BMPR2: variants seen among roughly 807,000 people sequenced by gnomAD.
BMPR2 encodes the protein bone morphogenetic protein receptor type-2.
Under a neutral mutation model 100.8 loss-of-function variants are expected in BMPR2, and 29 were observed. The ratio of observed to expected loss-of-function variants is 0.29; its 90% CI spans 0.21 to 0.39. The LOEUF is 0.39. BMPR2 is among the 10% of genes least tolerant of loss of function. The probability of loss-of-function intolerance (pLI) is 1.00; values close to 1 mark genes in which losing one functional copy is unlikely to be tolerated. For synonymous variants in BMPR2, 382 were observed against 442.3 expected (o/e 0.86, Z 1.71); for missense variants, 1,011 against 1,274.5 (o/e 0.79, Z 3.15).
chr2:202,537,883 C>G (rs142847496), intron 9 of BMPR2, among the ~76,000 whole-genome samples: 231 of 151,578 alleles, frequency 1.5e-3, no homozygotes, highest in Middle Eastern at 3.4e-3. Flanking sequence ...CTTTAGGAGG[C>G]TGAGAGGGGT....
chr2:202,434,628 G>C (rs992136988), intron 1 of BMPR2, among the ~76,000 whole-genome samples: 1 of 148,844 alleles, frequency 6.7e-6, no homozygotes, highest in East Asian at 1.9e-4. Flanking sequence ...CTTTTTGTTT[G>C]TTTGTTTTTG....
intron 9 of BMPR2, among the ~76,000 whole-genome samples, chr2:202,535,756 C>T (rs377284294): frequency 1.3e-5 from 2 of 152,060 alleles, no homozygotes; most frequent in Non-Finnish European, 2.9e-5. Context: ...GAGGTTGTAG[C>T]GAGCCGAGAT....
At chr2:202,438,597 C>A (rs576233770) in intron 1 of BMPR2, among the ~76,000 whole-genome samples, 2 of 150,622 alleles carry the variant, frequency 1.3e-5, no homozygotes, top group Admixed American at 1.3e-4. Context: ...TTACTTATTA[C>A]GTTTTGCGTT....
rs1336251570 is a variant in BMPR2 at position 202,377,055 on chromosome 2, A to T, written c.-420A>T. ...TCGTCCTTCCCGGCAGTCGGGAACT[A>T]GTTCTGACCCTCGCCCCCCGACCCC... is the stretch of plus-strand genomic sequence containing the variant. On this transcript the variant is annotated 5_prime_UTR_variant, in exon 1 of 13. It removes the in-frame stop codon of an upstream open reading frame in the 5' UTR. Coordinates refer to ENST00000374580, the MANE Select transcript of BMPR2 (RefSeq NM_001204.7). 4.1e-6 allele frequency: 2 copies of T among 489,198 alleles called. No individual in the cohort carries two copies. Among genetic ancestry groups the T allele is most frequent in the Non-Finnish European group, 7.1e-6 (2 of 279,894 alleles). The allele number at this position is 489,198 out of a possible 1,614,324, so 30.3% of individuals were successfully genotyped here.
At chr2:202,438,141 C>G (rs1026755043) in intron 1 of BMPR2, among the ~76,000 whole-genome samples, 3 of 149,740 alleles carry the variant, frequency 2.0e-5, no homozygotes, top group Admixed American at 2.0e-4. Context: ...TGGAGAAACC[C>G]TGCCTCTACT....
chr2:202,500,161 G>A (rs1405781345), intron 3 of BMPR2, among the ~76,000 whole-genome samples: 1 of 152,094 alleles, frequency 6.6e-6, no homozygotes, highest in African/African-American at 2.4e-5. Context: ...TAACTATTGA[G>A]GGCCAGGAAA....
chr2:202,495,235 G>C lies in BMPR2; in HGVS notation c.419-18484G>C, dbSNP rs2105985434. Among the ~76,000 whole-genome samples the C allele has an allele frequency of 6.6e-6, 1 of 152,284 alleles. No homozygotes were observed. Among genetic ancestry groups the C allele is most frequent in the East Asian group, 1.9e-4 (1 of 5,194 alleles). On this transcript the variant is annotated intron_variant, in intron 3 of 12. Coordinates refer to ENST00000374580, the MANE Select transcript of BMPR2 (RefSeq NM_001204.7). This position sits in a 1 kb window ranked among gnomAD's most constrained non-coding sequence, Gnocchi z 4.5. ...TACGGGAAGAGTCGGCTCACACCTG[G>C]GCTTGGAGAATGAGTGCAAGGTTTA...
At chr2:202,505,820 A>G (rs1401039459) in intron 3 of BMPR2, among the ~76,000 whole-genome samples, 3 of 152,324 alleles carry the variant, frequency 2.0e-5, no homozygotes, top group African/African-American at 7.2e-5. Flanking sequence ...ATATTTTGGG[A>G]GTGTAATATT....
chr2:202,541,788 T>C (rs1158933889), intron 9 of BMPR2, among the ~76,000 whole-genome samples: 2 of 152,136 alleles, frequency 1.3e-5, no homozygotes, highest in Non-Finnish European at 2.9e-5. Context: ...TCAACAAATA[T>C]TTGAGACTAT....
In BMPR2 at chr2:202,556,447, G is replaced by T. The variant is rs1688574426; in HGVS notation, c.2782G>T (p.Gly928Trp). The T allele has an allele frequency of 6.2e-7, 1 of 1,614,158 alleles. No homozygotes were observed. Among genetic ancestry groups the T allele is most frequent in the Non-Finnish European group, 8.5e-7 (1 of 1,180,048 alleles). Reference protein sequence around the residue: ...QGVPSTAADPGPSKPRRAQRP... With the variant: ...QGVPSTAADPWPSKPRRAQRP... The stretch of plus-strand genomic sequence containing the variant: ...TGTTCCAAGCACAGCAGCAGATCCT[G>T]GGCCATCAAAGCCCAGAAGAGCACA... Residue 928 changes from glycine to tryptophan, a missense_variant, in exon 12 of 13, where the codon GGG (glycine) becomes TGG (tryptophan). Gly to Trp is a radical substitution (Grantham distance 184). Coordinates refer to ENST00000374580, the MANE Select transcript of BMPR2 (RefSeq NM_001204.7).
chr2:202,510,719 C>T (rs1023134147), intron 3 of BMPR2, among the ~76,000 whole-genome samples: 1 of 151,786 alleles, frequency 6.6e-6, no homozygotes, highest in African/African-American at 2.4e-5. Context: ...CTTGCTTTCT[C>T]ACCCAGGCTG....
At chr2:202,494,058 C>T (rs1414751567) in intron 3 of BMPR2, among the ~76,000 whole-genome samples, 1 of 152,212 alleles carries the variant, frequency 6.6e-6, no homozygotes, top group Non-Finnish European at 1.5e-5. Flanking sequence ...ATTATGATTA[C>T]TGCCATTCCA....
chr2:202,513,695 A>G, intron 3 of BMPR2, 24 bp from the exon 4 acceptor site: 1 of 1,566,860 alleles, frequency 6.4e-7, no homozygotes, highest in Non-Finnish European at 8.8e-7. Context: ...AAAAAATGAC[A>G]TTTCAAAATT....
chr2:202,379,522 A>G (rs911706874), intron 1 of BMPR2, among the ~76,000 whole-genome samples: 5 of 152,334 alleles, frequency 3.3e-5, no homozygotes, highest in South Asian at 2.1e-4. Context: ...AAGCAGGGAC[A>G]CTTACAAGGT....
chr2:202,491,784 T>C (rs910430182), intron 3 of BMPR2, among the ~76,000 whole-genome samples: 1 of 152,204 alleles, frequency 6.6e-6, no homozygotes, highest in Non-Finnish European at 1.5e-5. Flanking sequence ...CTAGAGGATG[T>C]ACAGCCTATT....
intron 1 of BMPR2, among the ~76,000 whole-genome samples, chr2:202,380,965 C>CTTTTTT (rs1159400445): frequency 4.2e-5 from 3 of 70,780 alleles, no homozygotes; most frequent in African/African-American, 5.8e-5. Context: ...TTCTTTCTTT[C>CTTTTTT]TTTTTTTTTT....
chr2:202,417,549 C>T (rs998979231), intron 1 of BMPR2, among the ~76,000 whole-genome samples: 5 of 152,054 alleles, frequency 3.3e-5, no homozygotes, highest in African/African-American at 4.8e-5. Context: ...GTGATACGCC[C>T]GCCTTGGCCT....
At chr2:202,395,840 G>A (rs1023582339) in intron 1 of BMPR2, among the ~76,000 whole-genome samples, 2 of 152,204 alleles carry the variant, frequency 1.3e-5, no homozygotes, top group African/African-American at 4.8e-5. Flanking sequence ...GGAGGCTGAG[G>A]CAGGAGGATC....
chr2:202,484,266 C>T (rs574368567), intron 3 of BMPR2, among the ~76,000 whole-genome samples: 13 of 152,308 alleles, frequency 8.5e-5, no homozygotes, highest in African/African-American at 2.6e-4. Context: ...TCCCCCAATA[C>T]TTGTCTGTTG....
Sources: allele counts gnomAD v4.1 joint callset (sites outside exome capture counted in the v4.1 genomes callset), GRCh38; gene constraint gnomAD v4.1.1; non-coding constraint Gnocchi (gnomAD v3.1); transcripts MANE v1.5; gene names NCBI Gene and HGNC (gene_info 2026-07-23, HGNC 2026-07-21).